Variants in STRIP2 observed in about 807,000 individuals in gnomAD.
STRIP2 encodes the protein striatin interacting protein 2.
STRIP2 carries 84 observed loss-of-function variants against 107.1 expected under a neutral mutation model. The observed-to-expected ratio is 0.78, with a 90% CI of 0.66 to 0.94. The LOEUF (loss-of-function observed/expected upper bound fraction) is 0.94, where lower values mean the gene tolerates loss of function less well. Among genes scored for constraint, STRIP2 ranks in the 40% least tolerant of loss-of-function variants. The pLI is 0.00. For missense variants in STRIP2, 888 were observed against 1,034.2 expected (o/e 0.86, Z 1.94); for synonymous variants, 394 against 400.4 (o/e 0.98, Z 0.19).
intron 16 of STRIP2, 130 bp downstream of exon 16, chr7:129,464,868 A>T (rs879439852): frequency 8.1e-7 from 1 of 1,233,268 alleles, no homozygotes; most frequent in Non-Finnish European, 1.1e-6. Flanking sequence ...TCTCTCAGGG[A>T]ATCCAGCCAC....
Position 129,458,480 on chromosome 7 carries a change from G to A in STRIP2, c.1274+30G>A. 6.7e-7 allele frequency: 1 copy of A among 1,502,674 alleles called. No homozygotes were observed. The highest frequency in any genetic ancestry group is 8.9e-7 in the Non-Finnish European group (1 of 1,120,510). 93.1% of individuals were successfully genotyped at this position (1,502,674 alleles called of 1,614,324 possible). A position where few individuals can be genotyped will look rare whatever the true frequency, so the allele number is the denominator to read the frequency against. On this transcript the variant is annotated intron_variant, in intron 10 of 20. Coordinates refer to ENST00000249344, the MANE Select transcript of STRIP2 (RefSeq NM_020704.3). This position sits in a 1 kb window ranked among gnomAD's most constrained non-coding sequence, Gnocchi z 4.6. ...GTTTGATAGCATCAGGGACCCCTAT[G>A]CTTCGGGGTTTCAGTCTCCAAAGGC...
At chr7:129,481,266 A>G (rs994756488) in intron 19 of STRIP2, among the ~76,000 whole-genome samples, 34 of 152,250 alleles carry the variant, frequency 2.2e-4, no homozygotes, top group African/African-American at 7.9e-4. Flanking sequence ...TGGGAAGCCG[A>G]GGCGGGCAGA....
At chr7:129,451,514 G>T in intron 3 of STRIP2, 99 bp from the exon 4 acceptor site, 1 of 1,424,500 alleles carries the variant, frequency 7.0e-7, no homozygotes, top group Non-Finnish European at 9.6e-7. Flanking sequence ...AAATAATTTT[G>T]GCAGGGGAGC....
chr7:129,443,897 G>A, intron 2 of STRIP2, 127 bp from the exon 3 acceptor site: 1 of 720,018 alleles, frequency 1.4e-6, no homozygotes, highest in Non-Finnish European at 2.4e-6. Context: ...AAAGGAGGAA[G>A]CTAGCTTTGG....
intron 3 of STRIP2, 36 bp from the exon 4 acceptor site, chr7:129,451,577 A>G (rs1458435421): frequency 6.2e-7 from 1 of 1,611,210 alleles, no homozygotes; most frequent in Non-Finnish European, 8.5e-7. Flanking sequence ...GGGTGGCAAT[A>G]GCTGACACTG....
intron 3 of STRIP2, among the ~76,000 whole-genome samples, chr7:129,448,112 G>A (rs1392888319): frequency 6.6e-6 from 1 of 152,212 alleles, no homozygotes; most frequent in Non-Finnish European, 1.5e-5. Context: ...TACTAAGTAT[G>A]TCTATGCCAA....
Position 129,458,796 on chromosome 7 carries a change from G to A in STRIP2, c.1340+19G>A. ...TGGGGCAGTAAGTGACTGAATGGCT[G>A]GAACTGGCTACAGAGTGGTTCCTAG... On this transcript the variant is annotated intron_variant, in intron 11 of 20. Transcript: ENST00000249344. The surrounding 1 kb of genome is among the most constrained non-coding windows in gnomAD (Gnocchi z 4.6). 1 of 1,613,724 alleles carries A rather than the reference G, an allele frequency of 6.2e-7. No homozygotes were observed. Among genetic ancestry groups the A allele is most frequent in the Non-Finnish European group, 8.5e-7 (1 of 1,179,620 alleles).
chr7:129,455,468 G>T, intron 8 of STRIP2, 97 bp downstream of exon 8: 1 of 1,461,276 alleles, frequency 6.8e-7, no homozygotes. Context: ...GATCCAGGGA[G>T]CAGAACAGGC....
intron 20 of STRIP2, among the ~76,000 whole-genome samples, chr7:129,485,089 A>G (rs781143746): frequency 6.6e-6 from 1 of 152,188 alleles, no homozygotes; most frequent in Admixed American, 6.5e-5. Context: ...CTGATTCTCC[A>G]TGTTATACCC....
chr7:129,447,663 C>T (rs891907335), intron 3 of STRIP2, among the ~76,000 whole-genome samples: 1 of 152,240 alleles, frequency 6.6e-6, no homozygotes, highest in African/African-American at 2.4e-5. Flanking sequence ...TCCCAGCCAG[C>T]TGCAGGCAAA....
intron 18 of STRIP2, among the ~76,000 whole-genome samples, chr7:129,472,313 T>C (rs1312670771): frequency 6.6e-6 from 1 of 152,202 alleles, no homozygotes; most frequent in Admixed American, 6.5e-5. Flanking sequence ...GGTTCATATA[T>C]AGGAATTGAT....
At chr7:129,453,102 C>T in intron 4 of STRIP2, 125 bp from the exon 5 acceptor site, 2 of 1,401,102 alleles carry the variant, frequency 1.4e-6, no homozygotes, top group South Asian at 2.7e-5. Flanking sequence ...GGGCCCCTGT[C>T]ATACCTATGT....
Position 129,458,174 on chromosome 7 carries a change from T to G in STRIP2, c.1039-41T>G. The G allele has an allele frequency of 1.5e-5, 23 of 1,517,144 alleles. No individual in the cohort carries two copies. The highest frequency in any genetic ancestry group is 1.9e-5 in the Non-Finnish European group (21 of 1,094,666). 94.0% of individuals were successfully genotyped at this position (1,517,144 alleles called of 1,614,324 possible). ...TGGCCTCAGACAAGGATGCCCAGAG[T>G]GAGATCTCTGCATGCCTACCCTCCC... On this transcript the variant is annotated intron_variant, in intron 9 of 20. Coordinates refer to ENST00000249344, the MANE Select transcript of STRIP2 (RefSeq NM_020704.3). The surrounding 1 kb of genome is among the most constrained non-coding windows in gnomAD (Gnocchi z 4.6).
In STRIP2 at chr7:129,480,057, G is replaced by A. The variant is rs186167079; in HGVS notation, c.1945-728G>A. 1.3e-3 allele frequency among the ~76,000 whole-genome samples: 192 copies of A among 152,208 alleles called. 2 individuals carry two copies. Among genetic ancestry groups the A allele is most frequent in the African/African-American group, 3.6e-3 (149 of 41,512 alleles). ...TCCAAGATGTTAGTTTGGCTGTCAC[G>A]TGTGCTCATTGAGTTATATAGCTTC... is the stretch of plus-strand genomic sequence containing the variant. On this transcript the variant is annotated intron_variant, in intron 18 of 20. Transcript: ENST00000249344.
In STRIP2 at chr7:129,483,004, A is replaced by C. The variant is rs1229304447; in HGVS notation, c.2212A>C (p.Lys738Gln). The C allele has an allele frequency of 6.2e-7, 1 of 1,614,238 alleles. No homozygotes were observed. The highest frequency in any genetic ancestry group is 1.1e-5 in the South Asian group (1 of 91,082). Residue 738 changes from lysine to glutamine, a missense_variant, in exon 20 of 21, where the codon AAA becomes CAA. By Grantham distance (53) the Lys-to-Gln change is moderately conservative. Coordinates refer to ENST00000249344, the MANE Select transcript of STRIP2 (RefSeq NM_020704.3). This position sits in a 1 kb window ranked among gnomAD's most constrained non-coding sequence, Gnocchi z 5.1. ...NMKTMSAIYQKVRHRMNDDWA... is the reference protein window; with the variant it reads ...NMKTMSAIYQQVRHRMNDDWA... ...GAAAACCATGTCAGCCATTTACCAG[A>C]AAGTGCGTCACCGCATGAACGATGA...
At chr7:129,439,882 C>A in intron 1 of STRIP2, 140 bp from the exon 2 acceptor site, 1 of 656,088 alleles carries the variant, frequency 1.5e-6, no homozygotes, top group Non-Finnish European at 2.7e-6. Context: ...GATGAAAGAC[C>A]CAAATAGGAC....
chr7:129,442,605 G>A (rs192635862), intron 2 of STRIP2, among the ~76,000 whole-genome samples: 93 of 152,230 alleles, frequency 6.1e-4, no homozygotes, highest in African/African-American at 2.2e-3. Flanking sequence ...CAAGACTAAA[G>A]TTCAGTACCT....
chr7:129,475,531 G>A (rs1444498129), intron 18 of STRIP2, among the ~76,000 whole-genome samples: 5 of 128,112 alleles, frequency 3.9e-5, no homozygotes, highest in Non-Finnish European at 8.0e-5. Flanking sequence ...AGATTAGGGA[G>A]TGGTGATGAC....
intron 1 of STRIP2, among the ~76,000 whole-genome samples, chr7:129,437,161 A>C (rs962313147): frequency 2.0e-5 from 3 of 152,250 alleles, no homozygotes; most frequent in African/African-American, 7.2e-5. Flanking sequence ...AAATAAAGCC[A>C]GCATGATGGC....
Sources: allele counts gnomAD v4.1 joint callset (sites outside exome capture counted in the v4.1 genomes callset), GRCh38; gene constraint gnomAD v4.1.1; non-coding constraint Gnocchi (gnomAD v3.1); transcripts MANE v1.5; gene names NCBI Gene and HGNC (gene_info 2026-07-23, HGNC 2026-07-21).